The following PKHD1 variants were observed in gnomAD, a reference collection of about 807,000 sequenced individuals.
The protein encoded by PKHD1 is PKHD1 ciliary IPT domain containing fibrocystin/polyductin.
In PKHD1, 291 loss-of-function variants were observed where a neutral mutation model predicts 412.0. The ratio of observed to expected loss-of-function variants is 0.71; its 90% CI spans 0.64 to 0.78. The LOEUF (loss-of-function observed/expected upper bound fraction) is 0.78. PKHD1 is among the 30% of genes least tolerant of loss of function. PKHD1 has a pLI of 0.00. For synonymous variants in PKHD1, 1,777 were observed against 1,821.5 expected (o/e 0.98, Z 0.62); for missense variants, 4,825 against 4,950.7 (o/e 0.97, Z 0.76).
intron 36 of PKHD1, among the ~76,000 whole-genome samples, chr6:51,952,878 C>T (rs1440585605): frequency 2.0e-5 from 3 of 152,160 alleles, no homozygotes; most frequent in Non-Finnish European, 4.4e-5. Flanking sequence ...TCCTATACTG[C>T]TCTTCCTCCA....
At chr6:51,870,914 A>G (rs1300804690) in intron 46 of PKHD1, among the ~76,000 whole-genome samples, 2 of 152,158 alleles carry the variant, frequency 1.3e-5, no homozygotes, top group Non-Finnish European at 1.5e-5. Context: ...GATAGCAAAT[A>G]AGCACAGAAA....
chr6:51,982,403 T>G (rs1322970226), intron 35 of PKHD1, among the ~76,000 whole-genome samples: 4 of 133,636 alleles, frequency 3.0e-5, no homozygotes, highest in African/African-American at 5.3e-5. Flanking sequence ...AGAAATCAGA[T>G]GGTTGCCGGG....
At chr6:51,842,408 G>A (rs1032751479) in intron 50 of PKHD1, among the ~76,000 whole-genome samples, 4 of 152,178 alleles carry the variant, frequency 2.6e-5, no homozygotes, top group African/African-American at 9.7e-5. Flanking sequence ...TTGCCCTAAA[G>A]AGCCTTTTAC....
At chr6:51,786,204 C>G (rs1204077423) in intron 53 of PKHD1, among the ~76,000 whole-genome samples, 1 of 152,040 alleles carries the variant, frequency 6.6e-6, no homozygotes. Flanking sequence ...TCTCCCAACC[C>G]GAAACCCTGG....
intron 61 of PKHD1, among the ~76,000 whole-genome samples, chr6:51,652,562 GTTTTTTTTTTTTTTTTT>G (rs1219367710): frequency 2.4e-4 from 1 of 4,254 alleles, no homozygotes; most frequent in Non-Finnish European, 3.2e-4. Flanking sequence ...TATCTCTCTT[GTTTTTTTTTTTTTTTTT>G]TTTTTTTTTT....
intron 61 of PKHD1, among the ~76,000 whole-genome samples, chr6:51,650,732 T>C (rs955632323): frequency 6.6e-6 from 1 of 152,140 alleles, no homozygotes; most frequent in African/African-American, 2.4e-5. Context: ...CATGTGGTCC[T>C]AAGAAGCTCT....
intron 46 of PKHD1, 38 bp from the exon 47 acceptor site, chr6:51,870,677 G>C (rs568083169): frequency 2.0e-6 from 3 of 1,533,236 alleles, no homozygotes; most frequent in African/African-American, 1.4e-5. Flanking sequence ...AGCAAAATAA[G>C]AAAACTGGAC....
At chr6:51,712,461 T>C (rs1780771075) in intron 60 of PKHD1, among the ~76,000 whole-genome samples, 1 of 152,194 alleles carries the variant, frequency 6.6e-6, no homozygotes, top group Admixed American at 6.5e-5. Context: ...ATTTCTTGTA[T>C]ACCCTTTTAT....
chr6:51,970,172 C>T (rs971363973), intron 35 of PKHD1, among the ~76,000 whole-genome samples: 3 of 152,042 alleles, frequency 2.0e-5, no homozygotes, highest in African/African-American at 7.2e-5. Context: ...TTTTAATTTT[C>T]ATTTCTCTGA....
intron 36 of PKHD1, among the ~76,000 whole-genome samples, chr6:51,947,340 CAT>C (rs1408606082): frequency 6.6e-6 from 1 of 152,194 alleles, no homozygotes; most frequent in South Asian, 2.1e-4. Flanking sequence ...AAATTTTCAT[CAT>C]GTGCTATATT....
intron 9 of PKHD1, 93 bp downstream of exon 9, chr6:52,070,913 A>G (rs1353813235): frequency 7.5e-6 from 6 of 795,232 alleles, no homozygotes; most frequent in East Asian, 2.4e-5. Context: ...TATTATTATT[A>G]TCCTCATGAG....
intron 60 of PKHD1, among the ~76,000 whole-genome samples, chr6:51,692,505 T>C (rs1175629271): frequency 6.6e-6 from 1 of 152,160 alleles, no homozygotes; most frequent in Non-Finnish European, 1.5e-5. Flanking sequence ...TTAAAAATAT[T>C]CACTCTTCCT....
chr6:51,832,781 AG>A (rs1309193270), intron 51 of PKHD1, among the ~76,000 whole-genome samples: 1 of 152,172 alleles, frequency 6.6e-6, no homozygotes, highest in Non-Finnish European at 1.5e-5. Flanking sequence ...AGGAACACTT[AG>A]TTATTTTTTC....
intron 35 of PKHD1, among the ~76,000 whole-genome samples, chr6:51,971,150 C>T (rs1341388758): frequency 1.3e-5 from 2 of 152,088 alleles, no homozygotes; most frequent in African/African-American, 2.4e-5. Flanking sequence ...TAAATATATT[C>T]GTAAGTATTT....
At chr6:51,753,388 T>C in intron 56 of PKHD1, 35 bp from the exon 57 acceptor site, 2 of 1,590,972 alleles carry the variant, frequency 1.3e-6, no homozygotes, top group East Asian at 2.2e-5. Flanking sequence ...AAAAAAACTT[T>C]AAAAACCTGT....
At chr6:51,985,302 T>C (rs1034017909) in intron 35 of PKHD1, among the ~76,000 whole-genome samples, 1 of 152,262 alleles carries the variant, frequency 6.6e-6, no homozygotes, top group Non-Finnish European at 1.5e-5. Context: ...AATTAACACA[T>C]GTTTATTGAT....
chr6:52,023,583 G>A (rs1801721120), intron 32 of PKHD1, among the ~76,000 whole-genome samples: 1 of 151,732 alleles, frequency 6.6e-6, no homozygotes, highest in African/African-American at 2.4e-5. Context: ...TACATGTTTT[G>A]GGACATTTGT....
intron 40 of PKHD1, among the ~76,000 whole-genome samples, chr6:51,908,508 C>A (rs192735885): frequency 6.6e-6 from 1 of 152,236 alleles, no homozygotes; most frequent in Non-Finnish European, 1.5e-5. Flanking sequence ...CTGCTGTCCT[C>A]CTGACTTGGC....
At chr6:51,994,485 G>A (rs927814233) in intron 35 of PKHD1, among the ~76,000 whole-genome samples, 3 of 152,160 alleles carry the variant, frequency 2.0e-5, no homozygotes, top group Non-Finnish European at 4.4e-5. Flanking sequence ...ATTGCTTACA[G>A]AATTCACATT....
Sources: gnomAD v4.1 joint callset for allele counts (sites outside exome capture counted in the v4.1 genomes callset) on GRCh38, gnomAD v4.1.1 for gene constraint, MANE v1.5 for transcripts, NCBI Gene and HGNC (gene_info 2026-07-23, HGNC 2026-07-21) for gene names.